Variants in BAIAP2 observed in about 807,000 individuals in gnomAD.
BAIAP2 encodes the protein BAR/IMD domain containing adaptor protein 2.
A neutral mutation model predicts 63.0 loss-of-function variants in BAIAP2; 18 were observed. The ratio of observed to expected loss-of-function variants is 0.29; its 90% CI spans 0.20 to 0.42. The LOEUF (loss-of-function observed/expected upper bound fraction) is 0.42, where lower values mean the gene tolerates loss of function less well. Among genes scored for constraint, BAIAP2 ranks in the 10% least tolerant of loss-of-function variants. The pLI is 1.00. For missense variants in BAIAP2, 610 were observed against 734.3 expected (o/e 0.83, Z 1.96); for synonymous variants, 386 against 307.6 (o/e 1.25, Z -2.67).
chr17:81,043,328 C>T (rs1018769918), intron 1 of BAIAP2, among the ~76,000 whole-genome samples: 4 of 152,230 alleles, frequency 2.6e-5, no homozygotes, highest in East Asian at 1.9e-4. Context: ...TGCCCCACCA[C>T]GGAAAGCCCG....
intron 13 of BAIAP2, chr17:81,110,080 G>A (rs1213173495): frequency 2.3e-5 from 23 of 985,216 alleles, no homozygotes; most frequent in Non-Finnish European, 2.7e-5. Context: ...ACTGAACTCT[G>A]GGGAATTGAG....
chr17:81,091,704 C>T (rs972580843), intron 6 of BAIAP2, among the ~76,000 whole-genome samples: 1 of 152,192 alleles, frequency 6.6e-6, no homozygotes, highest in Non-Finnish European at 1.5e-5. Context: ...TGCCGGACTG[C>T]CGGAAGTGGA....
intron 13 of BAIAP2, chr17:81,109,528 G>T (rs888796820): frequency 5.6e-5 from 55 of 985,486 alleles, no homozygotes; most frequent in African/African-American, 7.0e-5. Context: ...GACAGGGAAG[G>T]TGCTGGGGTC....
intron 9 of BAIAP2, 70 bp downstream of exon 9, chr17:81,104,178 C>A: frequency 6.5e-7 from 1 of 1,536,028 alleles, no homozygotes; most frequent in Non-Finnish European, 8.9e-7. Context: ...AGTCATGCCA[C>A]AACCCTCAAT....
Position 81,116,028 on chromosome 17 carries a change from G to C in BAIAP2, c.*189G>C. Reference sequence around the variant, plus strand: ...CAGGGCCGGGCAGAGTGGGGCGCAGGCCCCTGAAGGGCGAGACCCAGTGGC... The same window carrying C: ...CAGGGCCGGGCAGAGTGGGGCGCAGCCCCCTGAAGGGCGAGACCCAGTGGC... On this transcript the variant is annotated 3_prime_UTR_variant, in exon 14 of 14. Transcript: ENST00000428708. The C allele has an allele frequency of 6.9e-7, 1 of 1,457,210 alleles. No homozygotes were observed. Among genetic ancestry groups the C allele is most frequent in the Non-Finnish European group, 9.0e-7 (1 of 1,108,082 alleles). The allele number at this position is 1,457,210 out of a possible 1,614,324, so 90.3% of individuals were successfully genotyped here. A position where few individuals can be genotyped will look rare whatever the true frequency, so the allele number is the denominator to read the frequency against.
At chr17:81,112,406 T>C (rs1049872948) in intron 13 of BAIAP2, among the ~76,000 whole-genome samples, 4 of 152,188 alleles carry the variant, frequency 2.6e-5, no homozygotes, top group Non-Finnish European at 5.9e-5. Flanking sequence ...TCAGCTGGGA[T>C]TGGGGGTGTC....
At chr17:81,038,017 T>G (rs963933452) in intron 1 of BAIAP2, among the ~76,000 whole-genome samples, 5 of 152,228 alleles carry the variant, frequency 3.3e-5, no homozygotes, top group African/African-American at 4.8e-5. Flanking sequence ...TCCCGGTGTT[T>G]GCCGAGAACA....
chr17:81,109,090 T>TTCTTGGGTTGTTTG, intron 13 of BAIAP2: 1 of 1,486,664 alleles, frequency 6.7e-7, no homozygotes. Context: ...CGCTGGTTTG[T>TTCTTGGGTTGTTTG]TCTTGGGTTG....
At chr17:81,080,245 G>A (rs918852453) in intron 3 of BAIAP2, among the ~76,000 whole-genome samples, 23 of 152,226 alleles carry the variant, frequency 1.5e-4, no homozygotes, top group African/African-American at 3.6e-4. Flanking sequence ...GGGCGCCTGC[G>A]GCACCCTGGG....
rs879657600 is a variant in BAIAP2 at position 81,100,201 on chromosome 17, G to A, written c.642+121G>A. ...GGGCAGTGTCCAGGCTCGAACTCTCGTTTATTTCGGGTTTTCTTGGGGGTG... is the reference window on the plus strand; with the variant it reads ...GGGCAGTGTCCAGGCTCGAACTCTCATTTATTTCGGGTTTTCTTGGGGGTG... On this transcript the variant is annotated intron_variant, in intron 7 of 13. Transcript: ENST00000428708. The A allele has an allele frequency of 3.6e-5, 47 of 1,320,498 alleles. 1 individual carries two copies. Among genetic ancestry groups the A allele is most frequent in the Middle Eastern group, 2.7e-4 (1 of 3,658 alleles). The allele number at this position is 1,320,498 out of a possible 1,614,324, so 81.8% of individuals were successfully genotyped here.
At chr17:81,088,426 A>G (rs1235127381) in intron 6 of BAIAP2, among the ~76,000 whole-genome samples, 1 of 152,146 alleles carries the variant, frequency 6.6e-6, no homozygotes, top group Non-Finnish European at 1.5e-5. Context: ...TCACCATTTC[A>G]CGGGCACAGT....
intron 6 of BAIAP2, among the ~76,000 whole-genome samples, chr17:81,090,471 C>T (rs1190143667): frequency 2.6e-5 from 4 of 152,260 alleles, no homozygotes; most frequent in Admixed American, 6.5e-5. Context: ...CACCGAGTTT[C>T]TTCAGGAAGG....
At chr17:81,101,712 C>G (rs533930814) in intron 7 of BAIAP2, among the ~76,000 whole-genome samples, 1 of 152,360 alleles carries the variant, frequency 6.6e-6, no homozygotes, top group Non-Finnish European at 1.5e-5. Context: ...GAGACAAGTG[C>G]TCTTCCCTCC....
At position 81,046,747 on chromosome 17, in the gene BAIAP2, T is replaced by G. The variant is rs2047870511; in HGVS notation, c.55-6921T>G. 6.6e-6 allele frequency among the ~76,000 whole-genome samples: 1 copy of G among 152,146 alleles called. No homozygotes were observed. Among genetic ancestry groups the G allele is most frequent in the South Asian group, 2.1e-4 (1 of 4,820 alleles). ...GTACCTCCCTAGTCCATGCTGTACATGTGGCCGGGGGTTTCCAGGCTTGGC... is the reference window on the plus strand; with the variant it reads ...GTACCTCCCTAGTCCATGCTGTACAGGTGGCCGGGGGTTTCCAGGCTTGGC... On this transcript the variant is annotated intron_variant, in intron 1 of 13. Coordinates refer to ENST00000428708, the MANE Select transcript of BAIAP2 (RefSeq NM_001144888.2). This position sits in a 1 kb window ranked among gnomAD's most constrained non-coding sequence, Gnocchi z 4.5.
chr17:81,072,314 C>T (rs1279320920), intron 3 of BAIAP2, among the ~76,000 whole-genome samples: 4 of 152,268 alleles, frequency 2.6e-5, no homozygotes, highest in South Asian at 2.1e-4. Flanking sequence ...CCTTCACCTC[C>T]TCCTGCGCAG....
intron 1 of BAIAP2, among the ~76,000 whole-genome samples, chr17:81,044,645 A>G (rs910445666): frequency 2.6e-5 from 4 of 152,210 alleles, no homozygotes; most frequent in Non-Finnish European, 5.9e-5. Context: ...GACGGAGTGC[A>G]GTAGCTGCTG....
At chr17:81,085,775 T>C (rs781502450) in intron 5 of BAIAP2, 50 bp downstream of exon 5, 1 of 1,455,136 alleles carries the variant, frequency 6.9e-7, no homozygotes, top group South Asian at 1.2e-5. Flanking sequence ...GGGCTCCGGC[T>C]CTCCCAAATG....
At chr17:81,106,018 C>T (rs954363464) in intron 10 of BAIAP2, 60 bp from the exon 11 acceptor site, 38 of 1,452,188 alleles carry the variant, frequency 2.6e-5, no homozygotes, top group South Asian at 6.1e-5. Context: ...GGATGGTGGT[C>T]GGTGGGGGAT....
intron 3 of BAIAP2, chr17:81,084,059 G>C (rs2055123312): frequency 6.6e-6 from 1 of 152,246 alleles, no homozygotes; most frequent in Non-Finnish European, 1.5e-5. Context: ...AAAGGCCTCT[G>C]ACGGCGCTTA....
Sources: gnomAD v4.1 joint callset for allele counts (sites outside exome capture counted in the v4.1 genomes callset) on GRCh38, gnomAD v4.1.1 for gene constraint, Gnocchi (gnomAD v3.1) non-coding constraint, MANE v1.5 for transcripts, NCBI Gene and HGNC (gene_info 2026-07-23, HGNC 2026-07-21) for gene names.